The following PRKCB variants were observed in gnomAD, a reference collection of about 807,000 sequenced individuals.
The protein encoded by PRKCB is protein kinase C beta, also known as protein kinase C beta type.
A neutral mutation model predicts 81.5 loss-of-function variants in PRKCB; 13 were observed. That is an observed-to-expected ratio of 0.16 (90% CI 0.10 to 0.25). PRKCB has a LOEUF of 0.25. PRKCB is among the 10% of genes least tolerant of loss of function. The pLI is 1.00. For missense variants in PRKCB, 509 were observed against 875.7 expected (o/e 0.58, Z 5.29); for synonymous variants, 335 against 321.4 (o/e 1.04, Z -0.45).
chr16:24,028,017 C>A (rs1965504147), intron 3 of PRKCB, among the ~76,000 whole-genome samples: 1 of 152,198 alleles, frequency 6.6e-6, no homozygotes, highest in African/African-American at 2.4e-5. Flanking sequence ...CTCAAGCAGT[C>A]CTCCCGCCTT....
chr16:23,918,191 G>A (rs1290762803), intron 2 of PRKCB, among the ~76,000 whole-genome samples: 1 of 152,074 alleles, frequency 6.6e-6, no homozygotes, highest in East Asian at 1.9e-4. Flanking sequence ...CAACAAAGAT[G>A]TAAAGCAAAA....
chr16:24,125,619 T>C (rs1477486661), intron 9 of PRKCB, among the ~76,000 whole-genome samples: 3 of 152,248 alleles, frequency 2.0e-5, no homozygotes, highest in African/African-American at 7.2e-5. Context: ...GCTTTTCTTG[T>C]GTCCTTGTTG....
chr16:24,136,129 C>T (rs1966864036), intron 9 of PRKCB, among the ~76,000 whole-genome samples: 1 of 150,936 alleles, frequency 6.6e-6, no homozygotes, highest in Non-Finnish European at 1.5e-5. Context: ...CTCATCTTCC[C>T]AGATCCTCGT....
intron 16 of PRKCB, among the ~76,000 whole-genome samples, chr16:24,198,289 C>T (rs1967907818): frequency 6.6e-6 from 1 of 152,200 alleles, no homozygotes; most frequent in Non-Finnish European, 1.5e-5. Context: ...CACGAATTGG[C>T]TTAATGAAGT....
chr16:24,035,459 T>A lies in PRKCB; in HGVS notation c.441T>A (p.Val147=), dbSNP rs753475682. Residue 147 remains valine (V), a synonymous_variant, in exon 5 of 17, where the codon GTT becomes GTA. Transcript: ENST00000643927. ...MNVHKRCVMN[V]PSLCGTDHTE... Reference sequence around the variant, plus strand: ...TGCACAAGCGCTGCGTGATGAATGTTCCCAGCCTGTGTGGCACGGACCACA... The same window carrying A: ...TGCACAAGCGCTGCGTGATGAATGTACCCAGCCTGTGTGGCACGGACCACA... 20 of 1,613,986 alleles carry A rather than the reference T, an allele frequency of 1.2e-5. No homozygotes were observed. The highest frequency in any genetic ancestry group is 1.7e-5 in the Non-Finnish European group (20 of 1,179,996).
intron 3 of PRKCB, among the ~76,000 whole-genome samples, chr16:23,996,929 A>G (rs1964964775): frequency 6.6e-6 from 1 of 152,168 alleles, no homozygotes; most frequent in Non-Finnish European, 1.5e-5. Flanking sequence ...TTTTTCTCTG[A>G]TAGCCAGAAA....
intron 5 of PRKCB, among the ~76,000 whole-genome samples, chr16:24,088,294 G>A (rs1024957760): frequency 1.8e-4 from 28 of 152,246 alleles, no homozygotes; most frequent in African/African-American, 5.3e-4. Flanking sequence ...ACAGCATTCC[G>A]TTGCACAGAA....
At chr16:24,203,740 GC>G (rs1017432187) in intron 16 of PRKCB, among the ~76,000 whole-genome samples, 1 of 151,980 alleles carries the variant, frequency 6.6e-6, no homozygotes, top group Non-Finnish European at 1.5e-5. Flanking sequence ...ACCACAAAAT[GC>G]CCCCCCAAAT....
intron 15 of PRKCB, among the ~76,000 whole-genome samples, chr16:24,186,631 GC>G (rs1271817993): frequency 6.6e-6 from 1 of 152,210 alleles, no homozygotes; most frequent in Non-Finnish European, 1.5e-5. Context: ...GACTTTTCAT[GC>G]CCTACTTTGT....
chr16:24,067,054 T>C (rs996164709), intron 5 of PRKCB, among the ~76,000 whole-genome samples: 1 of 151,762 alleles, frequency 6.6e-6, no homozygotes, highest in Non-Finnish European at 1.5e-5. Flanking sequence ...TCTCGCTGTG[T>C]TGCCCCAGGC....
chr16:24,011,110 C>G (rs1965197550), intron 3 of PRKCB, among the ~76,000 whole-genome samples: 1 of 152,164 alleles, frequency 6.6e-6, no homozygotes, highest in South Asian at 2.1e-4. Flanking sequence ...AAGCAATCCT[C>G]CCACCTTGGC....
chr16:23,954,337 C>A (rs1421591562), intron 2 of PRKCB, among the ~76,000 whole-genome samples: 1 of 152,142 alleles, frequency 6.6e-6, no homozygotes, highest in Non-Finnish European at 1.5e-5. Flanking sequence ...ATCTTTGTGA[C>A]CACCGGAGCT....
intron 2 of PRKCB, among the ~76,000 whole-genome samples, chr16:23,949,163 A>T (rs1328740351): frequency 6.6e-6 from 1 of 152,240 alleles, no homozygotes; most frequent in Non-Finnish European, 1.5e-5. Flanking sequence ...GATGCCAGGG[A>T]CAGAGAATGA....
intron 5 of PRKCB, among the ~76,000 whole-genome samples, chr16:24,061,941 C>G (rs1965980311): frequency 6.8e-6 from 1 of 146,574 alleles, no homozygotes; most frequent in South Asian, 2.2e-4. Flanking sequence ...AAACTTGAGG[C>G]CTGCTGGACT....
At chr16:24,012,480 G>C (rs1965216825) in intron 3 of PRKCB, among the ~76,000 whole-genome samples, 1 of 152,192 alleles carries the variant, frequency 6.6e-6, no homozygotes, top group Non-Finnish European at 1.5e-5. Context: ...TGGACAAGTA[G>C]CCTCTGGTCC....
chr16:24,212,973 G>C (rs1968168703), intron 16 of PRKCB, among the ~76,000 whole-genome samples: 2 of 151,910 alleles, frequency 1.3e-5, no homozygotes, highest in East Asian at 3.9e-4. Flanking sequence ...CACTTCATTA[G>C]TTAGTCAGCC....
intron 5 of PRKCB, among the ~76,000 whole-genome samples, chr16:24,048,398 G>A (rs1346469726): frequency 1.3e-5 from 2 of 152,128 alleles, no homozygotes; most frequent in African/African-American, 2.4e-5. Context: ...TAGGCTCTTG[G>A]ACACCGTCTT....
At chr16:24,062,288 G>C (rs982930685) in intron 5 of PRKCB, among the ~76,000 whole-genome samples, 1 of 152,198 alleles carries the variant, frequency 6.6e-6, no homozygotes, top group African/African-American at 2.4e-5. Flanking sequence ...GTCAGCTGGA[G>C]GGACAGGGAT....
chr16:24,148,615 C>T (rs1286148261), intron 9 of PRKCB, among the ~76,000 whole-genome samples: 1 of 152,160 alleles, frequency 6.6e-6, no homozygotes, highest in Non-Finnish European at 1.5e-5. Context: ...AAAGAGCATG[C>T]ATAACCAAAC....
Sources: allele counts gnomAD v4.1 joint callset (sites outside exome capture counted in the v4.1 genomes callset), GRCh38; gene constraint gnomAD v4.1.1; transcripts MANE v1.5; gene names NCBI Gene and HGNC (gene_info 2026-07-23, HGNC 2026-07-21).